Variants in GABBR2 observed in about 807,000 individuals in gnomAD.
The protein encoded by GABBR2 is gamma-aminobutyric acid type B receptor subunit 2, also known as G-protein coupled receptor 51.
GABBR2 carries 23 observed loss-of-function variants against 105.6 expected under a neutral mutation model. The observed-to-expected ratio is 0.22, with a 90% confidence interval of 0.16 to 0.31. The LOEUF is 0.31. Among genes scored for constraint, GABBR2 ranks in the 10% least tolerant of loss-of-function variants. The pLI is 1.00. For missense variants in GABBR2, 734 were observed against 1,245.5 expected, an observed-to-expected ratio of 0.59 and a Z score of 6.18; for synonymous variants, 478 against 499.7, an observed-to-expected ratio of 0.96 and a Z score of 0.58.
chr9:98,356,969 C>A (rs927103492), intron 13 of GABBR2, among the ~76,000 whole-genome samples: 1 of 152,212 alleles, frequency 6.6e-6, no homozygotes, highest in Admixed American at 6.5e-5. Context: ...GCTACATACT[C>A]TGTGATTCTA....
chr9:98,332,550 C>G (rs1482747246), intron 13 of GABBR2, among the ~76,000 whole-genome samples: 1 of 152,228 alleles, frequency 6.6e-6, no homozygotes, highest in Non-Finnish European at 1.5e-5. Flanking sequence ...GTGGCAGAAT[C>G]TGGTCCAAAA....
intron 8 of GABBR2, 99 bp downstream of exon 8, chr9:98,405,982 C>A (rs1226797125): frequency 5.4e-6 from 4 of 740,074 alleles, no homozygotes; most frequent in Non-Finnish European, 9.5e-6. Flanking sequence ...TTATCTGGAA[C>A]ATCACACTTG....
In GABBR2 at chr9:98,322,818, C is replaced by T. The variant is rs145676759; in HGVS notation, c.1894-11613G>A. Reference sequence around the variant, plus strand: ...CTCCTCCCACATCCACTGCCCAAAACATCTTCCTTCCTGTCTTTTTCGGGA... The same window carrying T: ...CTCCTCCCACATCCACTGCCCAAAATATCTTCCTTCCTGTCTTTTTCGGGA... On this transcript the variant is annotated intron_variant, in intron 13 of 18. Coordinates refer to ENST00000259455, the MANE Select transcript of GABBR2 (RefSeq NM_005458.8). Among the ~76,000 whole-genome samples, 15 of 152,268 alleles carry T rather than the reference C, an allele frequency of 9.9e-5. No individual in the cohort carries two copies. The East Asian group carries it at 2.9e-3, about 29-fold the overall frequency.
intron 3 of GABBR2, among the ~76,000 whole-genome samples, chr9:98,519,513 C>T (rs1371635125): frequency 1.3e-5 from 2 of 152,240 alleles, no homozygotes; most frequent in South Asian, 2.1e-4. Flanking sequence ...AGCCCTCAAA[C>T]GTATATCACT....
intron 14 of GABBR2, among the ~76,000 whole-genome samples, chr9:98,307,783 TA>T (rs1395427967): frequency 6.6e-6 from 1 of 152,234 alleles, no homozygotes; most frequent in East Asian, 1.9e-4. Flanking sequence ...AAGCACTCTG[TA>T]GACTGAAATG....
intron 13 of GABBR2, among the ~76,000 whole-genome samples, chr9:98,337,915 G>A (rs183313562): frequency 4.3e-4 from 65 of 152,154 alleles, no homozygotes; most frequent in Admixed American, 5.9e-4. Flanking sequence ...CCAGTTACTC[G>A]GGAGGCTGAG....
chr9:98,501,121 C>A (rs1367969802), intron 3 of GABBR2, among the ~76,000 whole-genome samples: 1 of 133,596 alleles, frequency 7.5e-6, no homozygotes, highest in Admixed American at 8.2e-5. Flanking sequence ...GACTAGGAAC[C>A]ACTGCCCCCC....
chr9:98,659,526 C>CTTTTTTTTTTTTTTT (rs149511264), intron 1 of GABBR2, among the ~76,000 whole-genome samples: 1 of 35,190 alleles, frequency 2.8e-5, no homozygotes, highest in African/African-American at 9.1e-5. Flanking sequence ...CTTTTCTTTT[C>CTTTTTTTTTTTTTTT]TTTTTTTTTT....
intron 1 of GABBR2, among the ~76,000 whole-genome samples, chr9:98,641,439 C>G (rs1341981313): frequency 6.6e-6 from 1 of 151,896 alleles, no homozygotes; most frequent in East Asian, 1.9e-4. Context: ...CACGTCCAGC[C>G]AAAAATCTGT....
chr9:98,559,840 G>GA (rs983119148), intron 2 of GABBR2, among the ~76,000 whole-genome samples: 194 of 145,734 alleles, frequency 1.3e-3, no homozygotes, highest in African/African-American at 4.4e-3. Context: ...GTGCATCTGT[G>GA]AAAAAAAAAA....
chr9:98,575,612 CT>C (rs1564119142), intron 2 of GABBR2, among the ~76,000 whole-genome samples: 2 of 152,126 alleles, frequency 1.3e-5, no homozygotes, highest in Non-Finnish European at 2.9e-5. Context: ...GAATGTGCTC[CT>C]CAATGTTCAG....
intron 1 of GABBR2, among the ~76,000 whole-genome samples, chr9:98,605,433 T>C (rs944134556): frequency 6.6e-6 from 1 of 152,234 alleles, no homozygotes. Flanking sequence ...TATCTCAGGC[T>C]ACGGACTCTC....
chr9:98,484,495 G>C (rs991300035), intron 4 of GABBR2, among the ~76,000 whole-genome samples: 1 of 152,152 alleles, frequency 6.6e-6, no homozygotes, highest in Non-Finnish European at 1.5e-5. Flanking sequence ...GAGAAAGAGG[G>C]GGAAAGACGC....
At chr9:98,559,515 T>A (rs113445959) in intron 2 of GABBR2, among the ~76,000 whole-genome samples, 6,256 of 152,332 alleles carry the variant, frequency 0.041, 256 homozygotes, top group African/African-American at 0.097. Context: ...AGGTTTTAAA[T>A]CAGCCTCTTT....
At chr9:98,571,519 T>G (rs1034498346) in intron 2 of GABBR2, among the ~76,000 whole-genome samples, 37 of 152,316 alleles carry the variant, frequency 2.4e-4, no homozygotes, top group African/African-American at 7.5e-4. Flanking sequence ...CCACTGGTAC[T>G]GAAATGGCTG....
chr9:98,418,555 A>G (rs964177550), intron 7 of GABBR2, among the ~76,000 whole-genome samples: 1 of 151,906 alleles, frequency 6.6e-6, no homozygotes, highest in African/African-American at 2.4e-5. Flanking sequence ...AACAACAACA[A>G]AAAAACCCAA....
At chr9:98,304,675 G>C (rs963933591) in intron 15 of GABBR2, among the ~76,000 whole-genome samples, 3 of 152,180 alleles carry the variant, frequency 2.0e-5, no homozygotes, top group Non-Finnish European at 4.4e-5. Context: ...TGCTGAAATG[G>C]ACCCAGATGA....
rs1182873033 is a variant in GABBR2, at chr9:98,356,620, A to AAC, written c.1893+6093_1893+6094dup. 2.6e-5 allele frequency among the ~76,000 whole-genome samples: 4 copies of AAC among 152,338 alleles called. No homozygotes were observed. The East Asian group carries it at 7.7e-4, about 29-fold the overall frequency. ...GGTTTGGTAGTTTCTTACAAAACTAAACATCCTCTTACCATATAATCATAA... is the reference window on the plus strand; with the variant it reads ...GGTTTGGTAGTTTCTTACAAAACTAAACACATCCTCTTACCATATAATCATAA... On this transcript the variant is annotated intron_variant, in intron 13 of 18. Transcript: ENST00000259455.
At chr9:98,593,364 G>C (rs1453072418) in intron 1 of GABBR2, among the ~76,000 whole-genome samples, 1 of 152,196 alleles carries the variant, frequency 6.6e-6, no homozygotes, top group Non-Finnish European at 1.5e-5. Flanking sequence ...CTTGAAGGTC[G>C]TTATTCAAGT....
Sources: allele counts gnomAD v4.1 joint callset (sites outside exome capture counted in the v4.1 genomes callset), GRCh38; gene constraint gnomAD v4.1.1; transcripts MANE v1.5; gene names NCBI Gene and HGNC (gene_info 2026-07-23, HGNC 2026-07-21).